Variants in ABCA5 observed in about 807,000 individuals in gnomAD.
ABCA5 encodes ATP binding cassette subfamily A member 5.
Under a neutral mutation model 206.0 loss-of-function variants are expected in ABCA5, and 163 were observed. The observed-to-expected ratio is 0.79, with a 90% CI of 0.70 to 0.90. The LOEUF (loss-of-function observed/expected upper bound fraction) is 0.90. ABCA5 is among the 40% of genes least tolerant of loss of function. The pLI, the probability that ABCA5 is intolerant of heterozygous loss-of-function variation, is 0.00. For missense variants in ABCA5, 1,859 were observed against 1,912.9 expected (o/e 0.97, Z 0.53); for synonymous variants, 609 against 613.8 (o/e 0.99, Z 0.11).
At position 69,273,958 on chromosome 17, in the gene ABCA5, C is replaced by A. The variant is rs1426045821; in HGVS notation, c.2764+1G>T. ...GTTCACAGACCTTCACACACTCTCA[C>A]CAGCAGAATTTTGAAGAAGCAGACT... is the stretch of plus-strand genomic sequence containing the variant. On this transcript the variant is annotated splice_donor_variant, in intron 20 of 38. Transcript: ENST00000392676. LOFTEE classifies it high-confidence loss of function. The A allele has an allele frequency of 3.1e-6, 5 of 1,602,092 alleles. No homozygotes were observed. The highest frequency in any genetic ancestry group is 4.3e-6 in the Non-Finnish European group (5 of 1,176,338).
chr17:69,266,927 T>G, intron 23 of ABCA5, among the ~76,000 whole-genome samples: 1 of 151,790 alleles, frequency 6.6e-6, no homozygotes, highest in Non-Finnish European at 1.5e-5. Flanking sequence ...CAGGCTGGAG[T>G]GCAATGGCAT....
intron 1 of ABCA5, among the ~76,000 whole-genome samples, chr17:69,320,542 A>T (rs1308342033): frequency 1.3e-5 from 2 of 152,166 alleles, no homozygotes; most frequent in Non-Finnish European, 2.9e-5. Flanking sequence ...CAAAAAAAAA[A>T]TCTCTTAAGC....
chr17:69,291,349 T>G (rs767421348), intron 11 of ABCA5, 23 bp from the exon 12 acceptor site: 1 of 1,458,478 alleles, frequency 6.9e-7, no homozygotes, highest in Non-Finnish European at 9.6e-7. Context: ...AAAAGAAGAC[T>G]CAAATGTAAT....
chr17:69,286,298 C>T lies in ABCA5; in HGVS notation c.2055G>A (p.Val685=). ...EADILADRKA[V]ISQGMLKCVG... ...CACATTTCAGCATTCCTTGTGATAT[C>T]ACAGCTTTCCTATCTGCAGATAAAT... Residue 685 remains valine (V), a synonymous_variant, in exon 16 of 39, where the codon GTG becomes GTA. Coordinates refer to ENST00000392676, the MANE Select transcript of ABCA5 (RefSeq NM_172232.4). 1 of 1,590,372 alleles carries T rather than the reference C, an allele frequency of 6.3e-7. No individual in the cohort carries two copies. The highest frequency in any genetic ancestry group is 1.4e-5 in the African/African-American group (1 of 73,194).
rs762288153 is a variant in ABCA5 at position 69,312,530 on chromosome 17, G to A, written c.307+562C>T. 2.0e-5 allele frequency among the ~76,000 whole-genome samples: 3 copies of A among 152,278 alleles called. No individual in the cohort carries two copies. The South Asian group carries it at 6.2e-4, about 32-fold the overall frequency. ...ATAAACAAGCATGGTAAGCTGAAAA[G>A]GTGACTGCTTTACAGTCTTTATCAC... On this transcript the variant is annotated intron_variant, in intron 3 of 38. Coordinates refer to ENST00000392676, the MANE Select transcript of ABCA5 (RefSeq NM_172232.4).
chr17:69,294,805 AT>A, intron 10 of ABCA5, 92 bp from the exon 11 acceptor site: 1 of 700,658 alleles, frequency 1.4e-6, no homozygotes, highest in Non-Finnish European at 2.3e-6. Context: ...ATGCTATCAC[AT>A]TTTATAAGAA....
chr17:69,262,825 G>A lies in ABCA5; in HGVS notation c.3316-1077C>T, dbSNP rs180932203. On this transcript the variant is annotated intron_variant, in intron 24 of 38. Transcript: ENST00000392676. ...CTCCAAACTGCTTTCCATGGCTGCT[G>A]AAGTTTACATTCCCACCAAGAGTAT... 1.5e-3 allele frequency among the ~76,000 whole-genome samples: 226 copies of A among 152,094 alleles called. 1 individual carries two copies. The highest frequency in any genetic ancestry group is 2.4e-3 in the Admixed American group (37 of 15,266).
At chr17:69,257,974 A>C (rs2075102203) in intron 28 of ABCA5, among the ~76,000 whole-genome samples, 1 of 152,110 alleles carries the variant, frequency 6.6e-6, no homozygotes, top group Admixed American at 6.6e-5. Flanking sequence ...CTATTTTCTG[A>C]GATAAATGAC....
intron 1 of ABCA5, among the ~76,000 whole-genome samples, chr17:69,322,860 T>C (rs1004662325): frequency 3.9e-5 from 6 of 152,162 alleles, no homozygotes; most frequent in African/African-American, 1.4e-4. Context: ...CAAATTAAGA[T>C]TATACCCTAT....
chr17:69,245,999 A>C lies in ABCA5; in HGVS notation c.*1538T>G, dbSNP rs1249024727. The C allele has an allele frequency of 6.6e-6, 1 of 152,000 alleles. No individual in the cohort carries two copies. Among genetic ancestry groups the C allele is most frequent in the Non-Finnish European group, 1.5e-5 (1 of 67,862 alleles). The allele number at this position is 152,000 out of a possible 1,614,324, so 9.4% of individuals were successfully genotyped here. On this transcript the variant is annotated 3_prime_UTR_variant, in exon 39 of 39. Coordinates refer to ENST00000392676, the MANE Select transcript of ABCA5 (RefSeq NM_172232.4). ...ACATAATTACAAAAGCACATCCCAA[A>C]AAAGAGGTCCCTGGGTATTTATGTG...
chr17:69,248,287 C>A lies in ABCA5; in HGVS notation c.4796G>T (p.Ser1599Ile), dbSNP rs754519947. 1.9e-6 allele frequency: 3 copies of A among 1,563,270 alleles called. No individual in the cohort carries two copies. The highest frequency in any genetic ancestry group is 4.6e-5 in the East Asian group (2 of 43,500). The change falls in exon 38 of 39, where the codon AGC becomes ATC. Residue 1599 changes from serine (S) to isoleucine (I), a missense_variant. Coordinates refer to ENST00000392676, the MANE Select transcript of ABCA5 (RefSeq NM_172232.4). ...CTGTTCCAATGTTGCTTGAGAAAAG[C>A]TATATTCTTCAATGGCAAAAGCATG... ...AKHAFAIEEY[S>I]FSQATLEQVF...
At chr17:69,274,593 G>GA (rs561386053) in intron 19 of ABCA5, among the ~76,000 whole-genome samples, 2,072 of 139,844 alleles carry the variant, frequency 0.015, 28 homozygotes, top group African/African-American at 0.031. Flanking sequence ...AAAAAAAACT[G>GA]AAAAAAAAAA....
chr17:69,318,227 T>A (rs2075833545), intron 1 of ABCA5, among the ~76,000 whole-genome samples: 1 of 151,940 alleles, frequency 6.6e-6, no homozygotes, highest in Non-Finnish European at 1.5e-5. Context: ...CCCAAGTAAC[T>A]GGGATTACAG....
rs761379058 is a variant in ABCA5 at position 69,261,748 on chromosome 17, C to T, written c.3316G>A (p.Val1106Ile). Residue 1106 changes from valine to isoleucine, a missense_variant and splice_region_variant, in exon 25 of 39, where the codon GTT becomes ATT. By Grantham distance (29) the Val-to-Ile change is conservative (BLOSUM62 3). Coordinates refer to ENST00000392676, the MANE Select transcript of ABCA5 (RefSeq NM_172232.4). ...YFYTVKFLAV[V>I]FCLIGYVPSV... The stretch of plus-strand genomic sequence containing the variant: ...GGAACATAACCAATAAGGCAAAAAA[C>T]CTGTAAATCAGAAATATGTTTCTAT... 74 of 1,328,204 alleles carry T rather than the reference C, an allele frequency of 5.6e-5. No homozygotes were observed. The Middle Eastern group carries it at 7.6e-4, about 14-fold the overall frequency. 82.3% of individuals were successfully genotyped at this position (1,328,204 alleles called of 1,614,324 possible). A position where few individuals can be genotyped will look rare whatever the true frequency, so the allele number is the denominator to read the frequency against.
chr17:69,322,072 T>G (rs2075869153), intron 1 of ABCA5, among the ~76,000 whole-genome samples: 1 of 152,134 alleles, frequency 6.6e-6, no homozygotes, highest in Non-Finnish European at 1.5e-5. Flanking sequence ...TAATTTATCT[T>G]AAAGTACTGG....
Position 69,313,179 on chromosome 17 carries a change from G to C in ABCA5, c.220C>G (p.Leu74Val). 1.9e-6 allele frequency: 3 copies of C among 1,604,968 alleles called. No homozygotes were observed. Among genetic ancestry groups the C allele is most frequent in the South Asian group, 2.2e-5 (2 of 90,658 alleles). ...GTATATCCAAGAATTAGATTAGAAA[G>C]AGTAAACTTGTCCATAGGATTGAGT... ...IELNPMDKFTLSNLILGYTPV... is the reference protein window; with the variant it reads ...IELNPMDKFTVSNLILGYTPV... The change falls in exon 3 of 39, where the codon CTT becomes GTT. Residue 74 changes from leucine to valine, a missense_variant. By Grantham distance (32) the Leu-to-Val change is conservative (BLOSUM62 1). Transcript: ENST00000392676.
intron 11 of ABCA5, 38 bp from the exon 12 acceptor site, chr17:69,291,364 A>C (rs1449164392): frequency 7.7e-7 from 1 of 1,301,902 alleles, no homozygotes; most frequent in South Asian, 1.2e-5. Context: ...TGTAATTTTT[A>C]TGTCTGTTCA....
intron 18 of ABCA5, among the ~76,000 whole-genome samples, chr17:69,283,548 C>T (rs562952910): frequency 6.6e-6 from 1 of 152,320 alleles, no homozygotes; most frequent in East Asian, 1.9e-4. Flanking sequence ...ATCCTCCTGA[C>T]TTTGCTGTGT....
At chr17:69,282,980 CTTTTTTTT>C (rs1048269473) in intron 18 of ABCA5, among the ~76,000 whole-genome samples, 13 of 112,990 alleles carry the variant, frequency 1.2e-4, no homozygotes, top group South Asian at 6.5e-4. Flanking sequence ...TGTTCTTTCC[CTTTTTTTT>C]TTTTTTTTTT....
Sources: allele counts gnomAD v4.1 joint callset (sites outside exome capture counted in the v4.1 genomes callset), GRCh38; gene constraint gnomAD v4.1.1; transcripts MANE v1.5; gene names NCBI Gene and HGNC (gene_info 2026-07-23, HGNC 2026-07-21).